The following RAB40B variants were observed in gnomAD, a reference collection of about 807,000 sequenced individuals.
RAB40B encodes the protein ras-related protein Rab-40B.
RAB40B carries 21 observed loss-of-function variants against 24.0 expected under a neutral mutation model. The observed-to-expected ratio is 0.88, with a 90% confidence interval of 0.62 to 1.26. The LOEUF is 1.26. Ranked by LOEUF, RAB40B falls within the 50% of genes most tolerant of loss-of-function variation. The probability of loss-of-function intolerance (pLI) is 0.00; values close to 1 mark genes in which losing one functional copy is unlikely to be tolerated. For missense variants in RAB40B, 348 were observed against 390.5 expected (o/e 0.89, Z 0.92); for synonymous variants, 167 against 169.8 (o/e 0.98, Z 0.13).
chr17:82,668,926 G>A (rs1237703694), intron 1 of RAB40B, among the ~76,000 whole-genome samples: 2 of 152,240 alleles, frequency 1.3e-5, no homozygotes, highest in African/African-American at 2.4e-5. Context: ...TTAGCACCAG[G>A]AGCTTGACCT....
chr17:82,687,276 C>T (rs536808712), intron 1 of RAB40B, among the ~76,000 whole-genome samples: 1 of 152,316 alleles, frequency 6.6e-6, no homozygotes, highest in South Asian at 2.1e-4. Flanking sequence ...TCATACTCTT[C>T]ATACTTATCT....
intron 1 of RAB40B, among the ~76,000 whole-genome samples, chr17:82,691,296 G>A (rs2046554953): frequency 6.6e-6 from 1 of 152,240 alleles, no homozygotes; most frequent in Admixed American, 6.5e-5. Context: ...AAGGATTGGA[G>A]AAGACAATGA....
At position 82,657,844 on chromosome 17, in the gene RAB40B, GTTTC is replaced by G. The variant is rs776050585; in HGVS notation, c.*15_*18del. 6.4e-6 allele frequency: 10 copies of G among 1,571,354 alleles called. No individual in the cohort carries two copies. Among genetic ancestry groups the G allele is most frequent in the Admixed American group, 1.8e-5 (1 of 54,290 alleles). Reference sequence around the variant, plus strand: ...GCTTCTCCTGGAGAGATTCCGCCGTGTTTCTTTCAGTGCCTTCCTTAAGAAATTT... The same window carrying G: ...GCTTCTCCTGGAGAGATTCCGCCGTGTTTCAGTGCCTTCCTTAAGAAATTT... On this transcript the variant is annotated 3_prime_UTR_variant, in exon 6 of 6. Transcript: ENST00000571995.
intron 2 of RAB40B, among the ~76,000 whole-genome samples, chr17:82,661,569 C>T (rs1370717797): frequency 6.6e-6 from 1 of 152,104 alleles, no homozygotes; most frequent in Non-Finnish European, 1.5e-5. Context: ...CTGGGACCCA[C>T]AAAGACCAGA....
intron 1 of RAB40B, among the ~76,000 whole-genome samples, chr17:82,685,991 A>G (rs2143540656): frequency 6.6e-6 from 1 of 151,702 alleles, no homozygotes; most frequent in South Asian, 2.1e-4. Context: ...TTTAGTAGAG[A>G]CGGGGTTTCA....
chr17:82,668,557 G>A (rs1277786832), intron 1 of RAB40B, among the ~76,000 whole-genome samples: 2 of 152,286 alleles, frequency 1.3e-5, no homozygotes, highest in East Asian at 3.8e-4. Context: ...AGGGGGCTGA[G>A]GTGGCAAGGG....
At chr17:82,681,552 C>A (rs2046449641) in intron 1 of RAB40B, among the ~76,000 whole-genome samples, 1 of 152,110 alleles carries the variant, frequency 6.6e-6, no homozygotes, top group Non-Finnish European at 1.5e-5. Flanking sequence ...GGCTTTGGAG[C>A]CACCAGAACT....
intron 5 of RAB40B, 139 bp downstream of exon 5, chr17:82,658,352 C>T: frequency 8.9e-7 from 1 of 1,119,612 alleles, no homozygotes; most frequent in East Asian, 2.5e-5. Context: ...GTCATTACTT[C>T]TCTCAAATGC....
chr17:82,664,746 C>T (rs2046232929), intron 1 of RAB40B, 190 bp from the exon 2 acceptor site: 1 of 572,536 alleles, frequency 1.7e-6, no homozygotes, highest in Non-Finnish European at 3.1e-6. Flanking sequence ...GCACCCGGGC[C>T]CCTCCTGTCC....
intron 1 of RAB40B, among the ~76,000 whole-genome samples, chr17:82,679,176 C>A (rs1219808446): frequency 1.3e-5 from 2 of 151,970 alleles, no homozygotes; most frequent in Non-Finnish European, 2.9e-5. Context: ...AACCACTGAG[C>A]AGCTCCCTTT....
chr17:82,664,265 G>A (rs2046223437), intron 2 of RAB40B, among the ~76,000 whole-genome samples: 1 of 136,140 alleles, frequency 7.3e-6, no homozygotes, highest in Admixed American at 7.3e-5. Context: ...TGGGCCGATG[G>A]TGGTGGGGGG....
intron 4 of RAB40B, chr17:82,659,289 A>G: frequency 2.3e-6 from 1 of 428,176 alleles, no homozygotes; most frequent in Non-Finnish European, 4.3e-6. Flanking sequence ...CAGCCCGACC[A>G]CAGCAGGGAG....
In RAB40B at chr17:82,667,864, G is replaced by C. The variant is rs1384099105; in HGVS notation, c.143-3308C>G. ...ACCCAGTACGAGGCTTTCCTGAGCT[G>C]GCCAAACGTTTGCCACCGAGCCCAG... is the stretch of plus-strand genomic sequence containing the variant. On this transcript the variant is annotated intron_variant, in intron 1 of 5. Coordinates refer to ENST00000571995, the MANE Select transcript of RAB40B (RefSeq NM_006822.3). The surrounding 1 kb of genome is among the most constrained non-coding windows in gnomAD (Gnocchi z 4.3). Among the ~76,000 whole-genome samples the C allele has an allele frequency of 6.6e-6, 1 of 152,160 alleles. No individual in the cohort carries two copies. The highest frequency in any genetic ancestry group is 2.4e-5 in the African/African-American group (1 of 41,446).
chr17:82,662,137 G>A, intron 2 of RAB40B: 1 of 985,484 alleles, frequency 1.0e-6, no homozygotes, highest in South Asian at 4.7e-5. Context: ...ACATGCACCT[G>A]TGGTCGGTGA....
chr17:82,688,721 G>A (rs2046527544), intron 1 of RAB40B, among the ~76,000 whole-genome samples: 1 of 152,096 alleles, frequency 6.6e-6, no homozygotes, highest in African/African-American at 2.4e-5. Flanking sequence ...ATCACCTGAG[G>A]TCAGGAGTTC....
At position 82,657,981 on chromosome 17, in the gene RAB40B, G is replaced by T. The variant is rs1448036988; in HGVS notation, c.719C>A (p.Ser240Tyr). 1.2e-6 allele frequency: 2 copies of T among 1,614,034 alleles called. No homozygotes were observed. The highest frequency in any genetic ancestry group is 2.7e-5 in the African/African-American group (2 of 74,908). The change falls in exon 6 of 6, where the codon TCC becomes TAC. Residue 240 changes from serine (S) to tyrosine (Y), a missense_variant. Around this residue, in one of 3 missense-constraint regions of RAB40B, gnomAD observed 121 missense variants for 124.0 expected, o/e 0.98. Transcript: ENST00000571995. ...GGTGGAGCTGGTGGTGAGGGAGTAGGAACCGCCGTGCATCATCCTGGCATT... is the reference window on the plus strand; with the variant it reads ...GGTGGAGCTGGTGGTGAGGGAGTAGTAACCGCCGTGCATCATCCTGGCATT... ...GLNARMMHGG[S>Y]YSLTTSSTHK...
Position 82,659,613 on chromosome 17 carries a change from G to A in RAB40B, c.309C>T (p.Asp103=), listed in dbSNP as rs561361288. ...TCTCCTTAATCCATCGATCAATGCC[G>A]TCAAAAGACCAGCGGTTCGCAATGT... ...VYDIANRWSF[D]GIDRWIKEID... Residue 103 remains aspartate, a synonymous_variant, in exon 4 of 6, where the codon GAC becomes GAT. Coordinates refer to ENST00000571995, the MANE Select transcript of RAB40B (RefSeq NM_006822.3). 64 of 1,614,108 alleles carry A rather than the reference G, an allele frequency of 4.0e-5. No individual in the cohort carries two copies. The highest frequency in any genetic ancestry group is 8.9e-5 in the East Asian group (4 of 44,882).
chr17:82,671,421 AAC>A (rs1181052620), intron 1 of RAB40B, among the ~76,000 whole-genome samples: 4 of 130,696 alleles, frequency 3.1e-5, no homozygotes, highest in African/African-American at 8.7e-5. Flanking sequence ...CTGTAACTCT[AAC>A]ACACACACGC....
chr17:82,676,445 C>T (rs186528154), intron 1 of RAB40B, among the ~76,000 whole-genome samples: 9 of 149,860 alleles, frequency 6.0e-5, no homozygotes, highest in Non-Finnish European at 1.0e-4. Flanking sequence ...TCTCCCCCCC[C>T]ACACAGGGCA....
Sources: gnomAD v4.1 joint callset for allele counts (sites outside exome capture counted in the v4.1 genomes callset) on GRCh38, gnomAD v4.1.1 for gene constraint, gnomAD v4.1.1 regional missense constraint, Gnocchi (gnomAD v3.1) non-coding constraint, MANE v1.5 for transcripts, NCBI Gene and HGNC (gene_info 2026-07-23, HGNC 2026-07-21) for gene names.